Variants in NTM observed in about 807,000 individuals in gnomAD.
NTM encodes the protein neurotrimin.
A neutral mutation model predicts 42.1 loss-of-function variants in NTM; 13 were observed. That is an observed-to-expected ratio of 0.31 (90% confidence interval 0.20 to 0.49). NTM has a LOEUF of 0.49. Ranked by LOEUF, NTM falls within the 20% of genes least tolerant of loss-of-function variation. NTM has a pLI of 0.99. For synonymous variants in NTM, 187 were observed against 179.2 expected, an observed-to-expected ratio of 1.04 and a Z score of -0.35; for missense variants, 373 against 452.8, an observed-to-expected ratio of 0.82 and a Z score of 1.60.
chr11:132,297,550 A>G (rs1233377087), intron 4 of NTM, among the ~76,000 whole-genome samples: 1 of 152,248 alleles, frequency 6.6e-6, no homozygotes, highest in Non-Finnish European at 1.5e-5. Context: ...TAGTGAAAAA[A>G]GAACTCCCCA....
At chr11:131,665,179 C>G (rs576751430) in intron 1 of NTM, among the ~76,000 whole-genome samples, 1 of 152,298 alleles carries the variant, frequency 6.6e-6, no homozygotes, top group African/African-American at 2.4e-5. Flanking sequence ...CACATCCTTC[C>G]CACGCCTCAT....
At chr11:131,820,734 A>G (rs750769324) in intron 1 of NTM, among the ~76,000 whole-genome samples, 5 of 152,226 alleles carry the variant, frequency 3.3e-5, no homozygotes, top group South Asian at 2.1e-4. Flanking sequence ...GATATTAAAT[A>G]CCAGGTGTAT....
chr11:131,569,571 TCTC>T (rs1231763361), intron 1 of NTM, among the ~76,000 whole-genome samples: 12 of 142,678 alleles, frequency 8.4e-5, no homozygotes, highest in African/African-American at 3.2e-4. Flanking sequence ...TTTTTTCTTC[TCTC>T]TTTTTTTTTT....
At chr11:131,809,715 C>T (rs1249268566) in intron 1 of NTM, among the ~76,000 whole-genome samples, 1 of 152,166 alleles carries the variant, frequency 6.6e-6, no homozygotes, top group Admixed American at 6.5e-5. Flanking sequence ...TGGTGACAAC[C>T]AGCAATTTCT....
intron 1 of NTM, among the ~76,000 whole-genome samples, chr11:131,590,058 C>T (rs746096800): frequency 6.6e-6 from 1 of 152,222 alleles, no homozygotes; most frequent in African/African-American, 2.4e-5. Flanking sequence ...CCAGGATAAT[C>T]TGTGGATGTA....
At chr11:132,148,286 G>A (rs994687831) in intron 3 of NTM, among the ~76,000 whole-genome samples, 2 of 152,178 alleles carry the variant, frequency 1.3e-5, no homozygotes, top group African/African-American at 2.4e-5. Context: ...TTCAGTTTGT[G>A]TACATTTTTT....
chr11:131,476,552 T>C (rs912697983), intron 1 of NTM, among the ~76,000 whole-genome samples: 4 of 152,104 alleles, frequency 2.6e-5, no homozygotes, highest in Non-Finnish European at 5.9e-5. Flanking sequence ...TCCAAAGTAA[T>C]GGGAGGAGGG....
intron 1 of NTM, among the ~76,000 whole-genome samples, chr11:131,549,606 G>T (rs141035452): frequency 6.2e-4 from 95 of 152,188 alleles, no homozygotes; most frequent in Non-Finnish European, 1.1e-3. Flanking sequence ...TCCAAGGAAG[G>T]GAACTAGCCC....
At chr11:131,987,449 C>G (rs1303839671) in intron 2 of NTM, among the ~76,000 whole-genome samples, 4 of 149,946 alleles carry the variant, frequency 2.7e-5, no homozygotes, top group East Asian at 2.0e-4. Flanking sequence ...TCCAGCCCAT[C>G]CCATCACTTT....
chr11:131,449,982 A>G (rs1258357903), intron 1 of NTM, among the ~76,000 whole-genome samples: 2 of 152,150 alleles, frequency 1.3e-5, no homozygotes, highest in African/African-American at 2.4e-5. Context: ...CTGGAATCTG[A>G]GATGTCCCAG....
chr11:131,849,010 A>G (rs1455471687), intron 1 of NTM, among the ~76,000 whole-genome samples: 1 of 152,216 alleles, frequency 6.6e-6, no homozygotes. Context: ...TGTTTTCTGA[A>G]CTATAAAATA....
chr11:132,090,338 A>T (rs2060238009), intron 2 of NTM, among the ~76,000 whole-genome samples: 1 of 152,046 alleles, frequency 6.6e-6, no homozygotes, highest in Non-Finnish European at 1.5e-5. Context: ...CCCACGAAAA[A>T]GCTGGGACAC....
In NTM at chr11:132,287,885, G is replaced by T. The variant is rs74333735; in HGVS notation, c.527-19804G>T. Among the ~76,000 whole-genome samples, 354 of 152,288 alleles carry T rather than the reference G, an allele frequency of 2.3e-3. 12 individuals are homozygous for T. The East Asian group carries it at 0.062, about 27-fold the overall frequency. On this transcript the variant is annotated intron_variant, in intron 4 of 8. Transcript: ENST00000683400. ...AGCAGGAAAAACATAGTGTGCTGAG[G>T]ATTTGTTTGGTGTATATGTGTCTAT...
chr11:132,254,934 A>C (rs2092348166), intron 4 of NTM, among the ~76,000 whole-genome samples: 1 of 152,212 alleles, frequency 6.6e-6, no homozygotes, highest in South Asian at 2.1e-4. Flanking sequence ...AGATAGCAGT[A>C]ACAAGCACAT....
At chr11:131,701,105 G>A (rs932034594) in intron 1 of NTM, among the ~76,000 whole-genome samples, 1 of 152,156 alleles carries the variant, frequency 6.6e-6, no homozygotes, top group Non-Finnish European at 1.5e-5. Context: ...CCAGTTGGTG[G>A]ACAGTATAAT....
chr11:132,299,243 T>A (rs2094744310), intron 4 of NTM, among the ~76,000 whole-genome samples: 1 of 152,118 alleles, frequency 6.6e-6, no homozygotes, highest in Non-Finnish European at 1.5e-5. Flanking sequence ...TGCAGTGAGC[T>A]GAGATTGCGC....
At chr11:131,559,847 C>T (rs184545189) in intron 1 of NTM, among the ~76,000 whole-genome samples, 49 of 152,204 alleles carry the variant, frequency 3.2e-4, no homozygotes, top group African/African-American at 1.2e-3. Context: ...TAAGACTTGG[C>T]CTTAAAGTGT....
intron 4 of NTM, among the ~76,000 whole-genome samples, chr11:132,220,286 G>A (rs545953485): frequency 2.0e-5 from 3 of 152,278 alleles, no homozygotes; most frequent in South Asian, 4.1e-4. Context: ...ACACAGACAG[G>A]CAGACCAAGG....
At chr11:131,598,858 T>TTCC (rs1351584328) in intron 1 of NTM, among the ~76,000 whole-genome samples, 7 of 53,084 alleles carry the variant, frequency 1.3e-4, no homozygotes, top group African/African-American at 2.6e-4. Flanking sequence ...TCTTCCTTCC[T>TTCC]TCCTTCCTTC....
Sources: gnomAD v4.1 joint callset for allele counts (sites outside exome capture counted in the v4.1 genomes callset) on GRCh38, gnomAD v4.1.1 for gene constraint, MANE v1.5 for transcripts, NCBI Gene and HGNC (gene_info 2026-07-23, HGNC 2026-07-21) for gene names.